The following LPCAT3 variants were observed in gnomAD, a reference collection of about 807,000 sequenced individuals.
LPCAT3 encodes the protein lysophospholipid acyltransferase 5.
A neutral mutation model predicts 63.4 loss-of-function variants in LPCAT3; 21 were observed. The observed-to-expected ratio is 0.33, with a 90% CI of 0.23 to 0.48. The LOEUF (loss-of-function observed/expected upper bound fraction) is 0.48, where lower values mean the gene tolerates loss of function less well. LPCAT3 is among the 20% of genes least tolerant of loss of function. The probability of loss-of-function intolerance (pLI) is 0.99; values close to 1 mark genes in which losing one functional copy is unlikely to be tolerated. For synonymous variants in LPCAT3, 242 were observed against 227.5 expected (o/e 1.06, Z -0.58); for missense variants, 451 against 590.6 (o/e 0.76, Z 2.45).
chr12:7,007,359 C>T (rs988485031), intron 1 of LPCAT3, among the ~76,000 whole-genome samples: 2 of 150,450 alleles, frequency 1.3e-5, no homozygotes, highest in Non-Finnish European at 3.0e-5. Flanking sequence ...CCAGCAAATT[C>T]TTAATTGCCT....
At chr12:7,007,607 G>C (rs1946735517) in intron 1 of LPCAT3, among the ~76,000 whole-genome samples, 1 of 146,314 alleles carries the variant, frequency 6.8e-6, no homozygotes, top group Non-Finnish European at 1.5e-5. Flanking sequence ...CGATTCTCCT[G>C]CCTCAGCCTC....
intron 1 of LPCAT3, among the ~76,000 whole-genome samples, chr12:6,996,537 C>T (rs1215143801): frequency 6.6e-6 from 1 of 152,210 alleles, no homozygotes; most frequent in Non-Finnish European, 1.5e-5. Context: ...GTGCATAGTA[C>T]AGTTCCTGGT....
intron 1 of LPCAT3, among the ~76,000 whole-genome samples, chr12:6,992,419 C>T (rs1198752655): frequency 6.6e-6 from 1 of 151,978 alleles, no homozygotes; most frequent in Non-Finnish European, 1.5e-5. Flanking sequence ...GTAAAGAATG[C>T]AGTGACCACT....
In LPCAT3 at chr12:6,978,357, T is replaced by G. The variant is rs1555153591; in HGVS notation, c.1024A>C (p.Asn342His). The G allele has an allele frequency of 1.2e-6, 2 of 1,611,142 alleles. No homozygotes were observed. The highest frequency in any genetic ancestry group is 1.7e-6 in the Non-Finnish European group (2 of 1,178,524). ...GTIASFNINT[N>H]AWVARYIFKR... ...GCAGCTCACCGGGCCACCCAGGCGTTGGTGTTGATGTTGAATGAGGCAATG... is the reference window on the plus strand; with the variant it reads ...GCAGCTCACCGGGCCACCCAGGCGTGGGTGTTGATGTTGAATGAGGCAATG... Residue 342 changes from asparagine (N) to histidine (H), a missense_variant, in exon 9 of 13, where the codon AAC becomes CAC. Around this residue, in one of 3 missense-constraint regions of LPCAT3, gnomAD observed 304 missense variants for 390.8 expected, o/e 0.78. Coordinates refer to ENST00000261407, the MANE Select transcript of LPCAT3 (RefSeq NM_005768.6).
chr12:6,988,048 T>C (rs1467969556), intron 1 of LPCAT3: 4 of 375,542 alleles, frequency 1.1e-5, no homozygotes, highest in African/African-American at 2.1e-5. Flanking sequence ...ATTTTAAAGG[T>C]GTAAAAAAAA....
chr12:6,996,800 A>T (rs1555156067), intron 1 of LPCAT3, among the ~76,000 whole-genome samples: 1 of 152,226 alleles, frequency 6.6e-6, no homozygotes, highest in African/African-American at 2.4e-5. Flanking sequence ...AGAGAAATCA[A>T]TCTCGACCAC....
At chr12:6,999,916 CTT>C (rs782553121) in intron 1 of LPCAT3, among the ~76,000 whole-genome samples, 11 of 114,532 alleles carry the variant, frequency 9.6e-5, no homozygotes, top group South Asian at 2.8e-4. Flanking sequence ...TACTTACATT[CTT>C]TTTTTTTTTT....
chr12:6,986,157 T>C (rs1946523934), intron 1 of LPCAT3, among the ~76,000 whole-genome samples: 1 of 152,004 alleles, frequency 6.6e-6, no homozygotes, highest in African/African-American at 2.4e-5. Context: ...TAGTTGACCC[T>C]TGATCAACAC....
At chr12:6,999,590 A>T (rs1245343398) in intron 1 of LPCAT3, among the ~76,000 whole-genome samples, 1 of 152,226 alleles carries the variant, frequency 6.6e-6, no homozygotes, top group Non-Finnish European at 1.5e-5. Flanking sequence ...CCGTTGGCTG[A>T]CTGGTGAAAC....
At chr12:6,979,758 G>A in intron 6 of LPCAT3, 179 bp from the exon 7 acceptor site, 2 of 607,430 alleles carry the variant, frequency 3.3e-6, no homozygotes, top group South Asian at 2.0e-5. Context: ...GGCTGGCTAT[G>A]AGGAATGGGG....
Position 6,982,033 on chromosome 12 carries a change from A to G in LPCAT3, c.367-129T>C. ...TAAAAGCCTTAATAAATTCCTACAAATGGAGGTGCTGAAAACCTGTAATGG... is the reference window on the plus strand; with the variant it reads ...TAAAAGCCTTAATAAATTCCTACAAGTGGAGGTGCTGAAAACCTGTAATGG... On this transcript the variant is annotated intron_variant, in intron 3 of 12. Transcript: ENST00000261407. 4 of 625,492 alleles carry G rather than the reference A, an allele frequency of 6.4e-6. No homozygotes were observed. The East Asian group carries it at 1.1e-4, about 17-fold the overall frequency. 38.7% of individuals were successfully genotyped at this position (625,492 alleles called of 1,614,324 possible).
At position 7,018,457 on chromosome 12, in the gene LPCAT3, G is replaced by A. The variant is rs895406435; in HGVS notation, c.-33C>T. The stretch of plus-strand genomic sequence containing the variant: ...CCGGGAGCCCCACAGGGACCCCCCA[G>A]CTCCGCGCGCCCCGAATGCGGGCAA... On this transcript the variant is annotated 5_prime_UTR_variant, in exon 1 of 13. Coordinates refer to ENST00000261407, the MANE Select transcript of LPCAT3 (RefSeq NM_005768.6). The surrounding 1 kb of genome is among the most constrained non-coding windows in gnomAD (Gnocchi z 4.9). 1.3e-6 allele frequency: 2 copies of A among 1,541,698 alleles called. No individual in the cohort carries two copies. The highest frequency in any genetic ancestry group is 2.7e-5 in the African/African-American group (2 of 73,104).
intron 1 of LPCAT3, among the ~76,000 whole-genome samples, chr12:7,015,291 T>C (rs1565607619): frequency 6.6e-6 from 1 of 152,234 alleles, no homozygotes; most frequent in African/African-American, 2.4e-5. Context: ...GAGGTGTTTT[T>C]AACCTGAATT....
Position 6,981,575 on chromosome 12 carries a change from G to T in LPCAT3, c.498+20C>A. The T allele has an allele frequency of 6.2e-7, 1 of 1,613,042 alleles. No individual in the cohort carries two copies. The highest frequency in any genetic ancestry group is 8.5e-7 in the Non-Finnish European group (1 of 1,178,986). On this transcript the variant is annotated intron_variant, in intron 5 of 12. Transcript: ENST00000261407. ...CTTTCATTAAGTCTTGAACCTCTCT[G>T]CCGATGAATGGGTACTTACCTGATC...
At chr12:6,979,968 C>G (rs782249519) in intron 6 of LPCAT3, 82 of 174,092 alleles carry the variant, frequency 4.7e-4, no homozygotes, top group African/African-American at 2.0e-3. Flanking sequence ...TGAATTGATG[C>G]TGAAACACAG....
At chr12:6,978,819 T>C in intron 7 of LPCAT3, 130 bp from the exon 8 acceptor site, 2 of 1,325,692 alleles carry the variant, frequency 1.5e-6, no homozygotes, top group Non-Finnish European at 1.0e-6. Flanking sequence ...ATGCCCTCAA[T>C]AGTCTGGCCT....
chr12:6,982,970 TATTTC>T, intron 2 of LPCAT3, 188 bp from the exon 3 acceptor site: 1 of 669,278 alleles, frequency 1.5e-6, no homozygotes, highest in Non-Finnish European at 2.7e-6. Flanking sequence ...GGTGTTATTT[TATTTC>T]TTTTCTTTTT....
At chr12:6,995,773 A>G (rs1318352600) in intron 1 of LPCAT3, among the ~76,000 whole-genome samples, 1 of 152,186 alleles carries the variant, frequency 6.6e-6, no homozygotes, top group Non-Finnish European at 1.5e-5. Flanking sequence ...ACTACTCAAC[A>G]GAGTCAGCAA....
intron 8 of LPCAT3, 36 bp downstream of exon 8, chr12:6,978,567 G>C (rs1946435843): frequency 6.2e-7 from 1 of 1,613,424 alleles, no homozygotes. Context: ...CCCATGGCTT[G>C]TCTAAATAGG....
Sources: gnomAD v4.1 joint callset for allele counts (sites outside exome capture counted in the v4.1 genomes callset) on GRCh38, gnomAD v4.1.1 for gene constraint, gnomAD v4.1.1 regional missense constraint, Gnocchi (gnomAD v3.1) non-coding constraint, MANE v1.5 for transcripts, NCBI Gene and HGNC (gene_info 2026-07-23, HGNC 2026-07-21) for gene names.